GPR158: variants seen among roughly 807,000 people sequenced by gnomAD.
GPR158 encodes the protein G protein-coupled receptor 158.
Under a neutral mutation model 78.2 loss-of-function variants are expected in GPR158, and 30 were observed. The observed-to-expected ratio is 0.38, with a 90% CI of 0.29 to 0.52. The LOEUF (loss-of-function observed/expected upper bound fraction) is 0.52. Ranked by LOEUF, GPR158 falls within the 20% of genes least tolerant of loss-of-function variation. The pLI, the probability that GPR158 is intolerant of heterozygous loss-of-function variation, is 0.83. For synonymous variants in GPR158, 581 were observed against 591.1 expected, an observed-to-expected ratio of 0.98 and a Z score of 0.25; for missense variants, 1,463 against 1,523.5, an observed-to-expected ratio of 0.96 and a Z score of 0.66.
intron 4 of GPR158, among the ~76,000 whole-genome samples, chr10:25,433,690 C>CTTT (rs776105443): frequency 0.29 from 25,749 of 89,028 alleles, 4,930 homozygotes; most frequent in Non-Finnish European, 0.43. Flanking sequence ...TTCTTTCTTT[C>CTTT]TTTCTTTTTT....
intron 5 of GPR158, among the ~76,000 whole-genome samples, chr10:25,535,953 G>T (rs1213932684): frequency 6.6e-6 from 1 of 152,120 alleles, no homozygotes; most frequent in Non-Finnish European, 1.5e-5. Flanking sequence ...CCATTGTTTT[G>T]TACTGTTTTA....
chr10:25,468,441 T>G (rs940110019), intron 5 of GPR158, among the ~76,000 whole-genome samples: 1 of 152,228 alleles, frequency 6.6e-6, no homozygotes, highest in Non-Finnish European at 1.5e-5. Context: ...ATTATACTTT[T>G]CTTCCCAAAT....
chr10:25,546,382 A>G (rs917196325), intron 5 of GPR158, among the ~76,000 whole-genome samples: 1 of 152,152 alleles, frequency 6.6e-6, no homozygotes, highest in African/African-American at 2.4e-5. Flanking sequence ...CTGCAGACTT[A>G]TGCATCCTTT....
chr10:25,400,001 TATA>T (rs1181977475), intron 3 of GPR158, among the ~76,000 whole-genome samples: 3 of 152,148 alleles, frequency 2.0e-5, no homozygotes, highest in African/African-American at 7.2e-5. Context: ...GTACATGGCA[TATA>T]ATAAGTGGTC....
At chr10:25,523,801 T>G (rs923693037) in intron 5 of GPR158, among the ~76,000 whole-genome samples, 1 of 152,072 alleles carries the variant, frequency 6.6e-6, no homozygotes, top group African/African-American at 2.4e-5. Flanking sequence ...TATTCAACAT[T>G]GTGCTGGAGA....
intron 5 of GPR158, among the ~76,000 whole-genome samples, chr10:25,468,851 G>A (rs1193937931): frequency 1.3e-5 from 2 of 152,202 alleles, no homozygotes; most frequent in Non-Finnish European, 1.5e-5. Context: ...AGCTTACAGT[G>A]TAGAGGAAGA....
rs1218269373 is a variant in GPR158, at chr10:25,601,905, A to G, written c.*2631A>G. 6.6e-6 allele frequency: 1 copy of G among 152,654 alleles called. No homozygotes were observed. The highest frequency in any genetic ancestry group is 2.4e-5 in the African/African-American group (1 of 41,466). The allele number at this position is 152,654 out of a possible 1,614,324, so 9.5% of individuals were successfully genotyped here. On this transcript the variant is annotated 3_prime_UTR_variant, in exon 11 of 11. Transcript: ENST00000376351. ...AAGAATTAAATGCTTTACAACATGA[A>G]GTATAACTCAACCCATTGTAAACTT...
Position 25,395,927 on chromosome 10 carries a change from G to C in GPR158, c.1025G>C (p.Gly342Ala). ...LNNSECMPIKGLGFVLGAYEC... is the reference protein window; with the variant it reads ...LNNSECMPIKALGFVLGAYEC... ...TCTTCATAGTGTATGCCAATTAAAG[G>C]CCTAGGATTCGTTCTTGGAGCCTAT... The change falls in exon 3 of 11, where the codon GGC becomes GCC. Residue 342 changes from glycine (G) to alanine (A), a missense_variant. Physicochemically the swap from Gly to Ala is moderately conservative, Grantham distance 60 (BLOSUM62 0). Coordinates refer to ENST00000376351, the MANE Select transcript of GPR158 (RefSeq NM_020752.3). The C allele has an allele frequency of 6.3e-7, 1 of 1,587,252 alleles. No individual in the cohort carries two copies. Among genetic ancestry groups the C allele is most frequent in the Non-Finnish European group, 8.7e-7 (1 of 1,155,744 alleles).
chr10:25,325,500 G>T (rs986503465), intron 2 of GPR158, among the ~76,000 whole-genome samples: 3 of 150,888 alleles, frequency 2.0e-5, no homozygotes, highest in Non-Finnish European at 4.4e-5. Flanking sequence ...CACTACGTTT[G>T]CTTTATCCAT....
chr10:25,562,689 A>C (rs1372705021), intron 6 of GPR158, among the ~76,000 whole-genome samples: 3 of 152,204 alleles, frequency 2.0e-5, no homozygotes, highest in Non-Finnish European at 4.4e-5. Flanking sequence ...TTTGTGGTCT[A>C]ACATATGGTC....
intron 4 of GPR158, among the ~76,000 whole-genome samples, chr10:25,419,372 C>A (rs1333828837): frequency 3.3e-5 from 5 of 151,854 alleles, no homozygotes; most frequent in Admixed American, 2.0e-4. Context: ...ATCTATATAC[C>A]ACATTTTGTT....
intron 2 of GPR158, among the ~76,000 whole-genome samples, chr10:25,275,255 C>G (rs80245039): frequency 0.058 from 8,824 of 152,186 alleles, 283 homozygotes; most frequent in African/African-American, 0.081. Context: ...TCACAATCAT[C>G]TGGGGAACCT....
intron 4 of GPR158, among the ~76,000 whole-genome samples, chr10:25,434,384 A>G (rs1564454933): frequency 6.6e-6 from 1 of 152,352 alleles, no homozygotes; most frequent in East Asian, 1.9e-4. Flanking sequence ...AAAGCCAGTT[A>G]CTTATCAAAT....
chr10:25,182,824 G>A (rs1852629331), intron 1 of GPR158, among the ~76,000 whole-genome samples: 1 of 152,178 alleles, frequency 6.6e-6, no homozygotes. Context: ...GAAGCATTAG[G>A]CCCTGGCTGT....
intron 2 of GPR158, among the ~76,000 whole-genome samples, chr10:25,306,903 A>T (rs936047049): frequency 6.6e-6 from 1 of 152,108 alleles, no homozygotes; most frequent in African/African-American, 2.4e-5. Flanking sequence ...GTTTTCCATT[A>T]TACAGCAAAA....
intron 5 of GPR158, among the ~76,000 whole-genome samples, chr10:25,474,019 C>A (rs532680769): frequency 5.9e-5 from 9 of 152,036 alleles, no homozygotes; most frequent in Admixed American, 2.6e-4. Context: ...TGGGTGTGAC[C>A]ATGGATCCTA....
chr10:25,445,882 G>A (rs928560997), intron 4 of GPR158, among the ~76,000 whole-genome samples: 3 of 152,144 alleles, frequency 2.0e-5, no homozygotes, highest in African/African-American at 7.2e-5. Context: ...GGTTTGAATG[G>A]ACAAAGATGA....
At chr10:25,408,297 T>TG (rs1481390802) in intron 3 of GPR158, among the ~76,000 whole-genome samples, 1 of 152,206 alleles carries the variant, frequency 6.6e-6, no homozygotes, top group Non-Finnish European at 1.5e-5. Flanking sequence ...TTGGTTTGTG[T>TG]GGGGAGTGCT....
At chr10:25,284,420 T>C (rs999963477) in intron 2 of GPR158, among the ~76,000 whole-genome samples, 21 of 152,070 alleles carry the variant, frequency 1.4e-4, no homozygotes, top group African/African-American at 5.1e-4. Flanking sequence ...GTCTACTTTT[T>C]CTGATATTAA....
Sources: gnomAD v4.1 joint callset for allele counts (sites outside exome capture counted in the v4.1 genomes callset) on GRCh38, gnomAD v4.1.1 for gene constraint, MANE v1.5 for transcripts, NCBI Gene and HGNC (gene_info 2026-07-23, HGNC 2026-07-21) for gene names.